The following DNAL1 variants were observed in gnomAD, a reference collection of about 807,000 sequenced individuals.
DNAL1 encodes the protein dynein axonemal light chain 1, also known as chromosome 14 open reading frame 168.
In DNAL1, 17 loss-of-function variants were observed where a neutral mutation model predicts 29.4. That is an observed-to-expected ratio of 0.58 (90% CI 0.40 to 0.87). DNAL1 has a LOEUF of 0.87. Among genes scored for constraint, DNAL1 ranks in the 40% least tolerant of loss-of-function variants. The pLI is 0.00. For missense variants in DNAL1, 188 were observed against 214.1 expected (o/e 0.88, Z 0.76); for synonymous variants, 78 against 76.3 (o/e 1.02, Z -0.12).
In DNAL1 at chr14:73,648,403, CAT is replaced by C. The variant is rs149075024; in HGVS notation, c.3+3374_3+3375del. ...CTCGATGTGTTATAACACCTCATTTCATATATATATATATTTGTTGTTTGTTT... is the reference window on the plus strand; with the variant it reads ...CTCGATGTGTTATAACACCTCATTTCATATATATATATTTGTTGTTTGTTT... On this transcript the variant is annotated intron_variant, in intron 1 of 7. Transcript: ENST00000553645. 5.8e-5 allele frequency among the ~76,000 whole-genome samples: 5 copies of C among 86,768 alleles called. No individual in the cohort carries two copies. In the South Asian group the frequency reaches 1.1e-3, roughly 20 times the overall value. 56.9% of individuals were successfully genotyped at this position (86,768 alleles called of 152,430 possible). A position where few individuals can be genotyped will look rare whatever the true frequency, so the allele number is the denominator to read the frequency against.
chr14:73,656,573 C>T (rs1374400492), intron 2 of DNAL1, among the ~76,000 whole-genome samples: 1 of 151,942 alleles, frequency 6.6e-6, no homozygotes, highest in Non-Finnish European at 1.5e-5. Context: ...GCATCATCAC[C>T]ACACCTGGCT....
At chr14:73,646,477 G>T (rs1392146432) in intron 1 of DNAL1, among the ~76,000 whole-genome samples, 1 of 114,116 alleles carries the variant, frequency 8.8e-6, no homozygotes, top group African/African-American at 2.6e-5. Flanking sequence ...AGGGTGTGGT[G>T]GCTCACACCT....
chr14:73,693,822 T>C (rs1282393773), intron 7 of DNAL1, among the ~76,000 whole-genome samples: 1 of 151,914 alleles, frequency 6.6e-6, no homozygotes, highest in Non-Finnish European at 1.5e-5. Flanking sequence ...GTTTTGGGGG[T>C]TCTGATAATC....
At chr14:73,660,250 A>G (rs1315632573) in intron 3 of DNAL1, among the ~76,000 whole-genome samples, 2 of 152,154 alleles carry the variant, frequency 1.3e-5, no homozygotes, top group African/African-American at 2.4e-5. Context: ...GTAATCCTAT[A>G]TCCTGTGACT....
chr14:73,693,920 G>A lies in DNAL1; in HGVS notation c.533-1982G>A, dbSNP rs369047608. Among the ~76,000 whole-genome samples the A allele has an allele frequency of 2.2e-4, 34 of 152,140 alleles. No homozygotes were observed. The South Asian group carries it at 7.0e-3, about 32-fold the overall frequency. On this transcript the variant is annotated intron_variant, in intron 7 of 7. Coordinates refer to ENST00000553645, the MANE Select transcript of DNAL1 (RefSeq NM_031427.4). ...ACGTTATAATTTGTACACTTTGTAT[G>A]TTGCGCGTCAACAAAAAGTTCACTT...
At position 73,698,974 on chromosome 14, in the gene DNAL1, A is replaced by G. The variant is rs1262142852; in HGVS notation, c.*3032A>G. 3 of 152,166 alleles carry G rather than the reference A, an allele frequency of 2.0e-5. No homozygotes were observed. The highest frequency in any genetic ancestry group is 4.4e-5 in the Non-Finnish European group (3 of 68,040). 9.4% of individuals were successfully genotyped at this position (152,166 alleles called of 1,614,324 possible). A position where few individuals can be genotyped will look rare whatever the true frequency, so the allele number is the denominator to read the frequency against. ...GAGGATCAACCTTGGAACTATTAAC[A>G]TTTTGGGATTGATAATTCATTGTTG... On this transcript the variant is annotated 3_prime_UTR_variant, in exon 8 of 8. Transcript: ENST00000553645.
In DNAL1 at chr14:73,644,991, G is replaced by A; in HGVS notation, c.-49G>A. ...GCGCCGAGAAGTGCGCACGCGCACT[G>A]ACCCCGCGGGCCCTAGCAACCAGAG... On this transcript the variant is annotated 5_prime_UTR_variant, in exon 1 of 8. Transcript: ENST00000553645. The A allele has an allele frequency of 6.2e-7, 1 of 1,603,744 alleles. No individual in the cohort carries two copies. Among genetic ancestry groups the A allele is most frequent in the South Asian group, 1.1e-5 (1 of 88,938 alleles).
intron 4 of DNAL1, among the ~76,000 whole-genome samples, chr14:73,666,039 T>A (rs1034391764): frequency 2.0e-5 from 3 of 152,210 alleles, no homozygotes; most frequent in African/African-American, 4.8e-5. Flanking sequence ...GTTCTGCTAG[T>A]TACAAATACA....
At chr14:73,680,348 A>G (rs1341118365) in intron 5 of DNAL1, among the ~76,000 whole-genome samples, 1 of 152,154 alleles carries the variant, frequency 6.6e-6, no homozygotes, top group Non-Finnish European at 1.5e-5. Flanking sequence ...AAAAACTCCT[A>G]AATATTACAT....
intron 6 of DNAL1, among the ~76,000 whole-genome samples, chr14:73,688,094 C>T (rs1164927625): frequency 6.6e-6 from 1 of 151,888 alleles, no homozygotes; most frequent in Non-Finnish European, 1.5e-5. Context: ...AAGCTATTAT[C>T]CAAAGGCTGA....
chr14:73,703,569 CT>C lies in DNAL1; in HGVS notation c.*7630del, dbSNP rs1406272224. ...AATTCTCCCCACCCTTGAGAATGTACTTTGTGAGCTCCACCCACTGTCTGCA... is the reference window on the plus strand; with the variant it reads ...AATTCTCCCCACCCTTGAGAATGTACTTGTGAGCTCCACCCACTGTCTGCA... On this transcript the variant is annotated 3_prime_UTR_variant, in exon 8 of 8. Transcript: ENST00000553645. 6.6e-6 allele frequency: 1 copy of C among 152,252 alleles called. No homozygotes were observed. The highest frequency in any genetic ancestry group is 1.5e-5 in the Non-Finnish European group (1 of 68,064). The allele number at this position is 152,252 out of a possible 1,614,324, so 9.4% of individuals were successfully genotyped here.
At chr14:73,669,641 G>T (rs1452315305) in intron 4 of DNAL1, among the ~76,000 whole-genome samples, 2 of 151,752 alleles carry the variant, frequency 1.3e-5, no homozygotes, top group African/African-American at 4.8e-5. Context: ...TGTTGCCCAG[G>T]CTGGTCTCGA....
intron 7 of DNAL1, among the ~76,000 whole-genome samples, chr14:73,695,397 A>G (rs979569412): frequency 2.6e-5 from 4 of 151,944 alleles, no homozygotes; most frequent in African/African-American, 9.7e-5. Context: ...TAGGGGGCTT[A>G]ATATTCACAA....
At chr14:73,679,549 G>A (rs1891826210) in intron 5 of DNAL1, among the ~76,000 whole-genome samples, 2 of 152,206 alleles carry the variant, frequency 1.3e-5, no homozygotes, top group South Asian at 4.1e-4. Flanking sequence ...AGGCAGAGAA[G>A]AGGAAGAAGC....
chr14:73,662,578 C>T (rs1891381354), intron 4 of DNAL1, among the ~76,000 whole-genome samples: 1 of 152,152 alleles, frequency 6.6e-6, no homozygotes, highest in Non-Finnish European at 1.5e-5. Context: ...CCTCTGGAGG[C>T]TGGAGGAGAA....
At chr14:73,673,188 A>C (rs1891656175) in intron 5 of DNAL1, 1 of 152,198 alleles carries the variant, frequency 6.6e-6, no homozygotes, top group South Asian at 2.1e-4. Flanking sequence ...TAAAATATTA[A>C]ATTGTAATAC....
intron 5 of DNAL1, among the ~76,000 whole-genome samples, chr14:73,685,194 C>T (rs1002174633): frequency 2.0e-5 from 3 of 152,102 alleles, no homozygotes; most frequent in Non-Finnish European, 2.9e-5. Flanking sequence ...AGTAGACTTG[C>T]ACAACCATCA....
chr14:73,665,687 A>T (rs1891461180), intron 4 of DNAL1, among the ~76,000 whole-genome samples: 1 of 151,708 alleles, frequency 6.6e-6, no homozygotes, highest in Non-Finnish European at 1.5e-5. Flanking sequence ...GCTACGTGGG[A>T]GGCTGAGGCA....
In DNAL1 at chr14:73,689,453, C is replaced by A; in HGVS notation, c.470C>A (p.Ser157Tyr). 6.4e-7 allele frequency: 1 copy of A among 1,568,790 alleles called. No individual in the cohort carries two copies. The change falls in exon 7 of 8, where the codon TCT (serine) becomes TAT (tyrosine). Residue 157 changes from serine (S) to tyrosine (Y), a missense_variant. By Grantham distance (144) the Ser-to-Tyr change is moderately radical (BLOSUM62 -2). Coordinates refer to ENST00000553645, the MANE Select transcript of DNAL1 (RefSeq NM_031427.4). Reference sequence around the variant, plus strand: ...GGCAATCCCTTGGAAGAGAAACATTCTGCTGAGAATAACTGGATTGAAGAA... The same window carrying A: ...GGCAATCCCTTGGAAGAGAAACATTATGCTGAGAATAACTGGATTGAAGAA... ...FVGNPLEEKH[S>Y]AENNWIEEAT...
Sources: allele counts gnomAD v4.1 joint callset (sites outside exome capture counted in the v4.1 genomes callset), GRCh38; gene constraint gnomAD v4.1.1; transcripts MANE v1.5; gene names NCBI Gene and HGNC (gene_info 2026-07-23, HGNC 2026-07-21).